Variants in DYNC1I1 observed in about 807,000 individuals in gnomAD.
DYNC1I1 encodes cytoplasmic dynein 1 intermediate chain 1.
A neutral mutation model predicts 86.6 loss-of-function variants in DYNC1I1; 43 were observed. That is an observed-to-expected ratio of 0.50 (90% CI 0.39 to 0.64). DYNC1I1 has a LOEUF of 0.64. Ranked by LOEUF, DYNC1I1 falls within the 30% of genes least tolerant of loss-of-function variation. The pLI, the probability that DYNC1I1 is intolerant of heterozygous loss-of-function variation, is 0.00. For synonymous variants in DYNC1I1, 262 were observed against 283.7 expected, an observed-to-expected ratio of 0.92 and a Z score of 0.77; for missense variants, 604 against 788.8, an observed-to-expected ratio of 0.77 and a Z score of 2.81.
intron 3 of DYNC1I1, among the ~76,000 whole-genome samples, chr7:95,811,566 A>G (rs1794830249): frequency 6.6e-6 from 1 of 152,148 alleles, no homozygotes; most frequent in South Asian, 2.1e-4. Flanking sequence ...GTATTGCTGG[A>G]TGTAATTTAA....
chr7:95,823,552 T>G (rs1795129061), intron 4 of DYNC1I1, among the ~76,000 whole-genome samples: 1 of 152,172 alleles, frequency 6.6e-6, no homozygotes, highest in African/African-American at 2.4e-5. Context: ...TCATTTCTTT[T>G]ACCAAAATGG....
At position 95,850,921 on chromosome 7, in the gene DYNC1I1, T is replaced by C. The variant is rs144161471; in HGVS notation, c.375-18962T>C. Among the ~76,000 whole-genome samples, 971 of 152,282 alleles carry C rather than the reference T, an allele frequency of 6.4e-3. 21 individuals carry two copies. Among genetic ancestry groups the C allele is most frequent in the East Asian group, 0.029 (151 of 5,178 alleles). Reference sequence around the variant, plus strand: ...ATTATTAAGTAAAATAAGGGTTACTTGAACAGAAGCACTGTAATACCACAA... The same window carrying C: ...ATTATTAAGTAAAATAAGGGTTACTCGAACAGAAGCACTGTAATACCACAA... On this transcript the variant is annotated intron_variant, in intron 5 of 16. Transcript: ENST00000447467.
intron 4 of DYNC1I1, among the ~76,000 whole-genome samples, chr7:95,826,430 A>G (rs1460782492): frequency 6.6e-6 from 1 of 152,204 alleles, no homozygotes; most frequent in Non-Finnish European, 1.5e-5. Context: ...TGCTTATCAT[A>G]TGGTTGCCAT....
chr7:96,096,727 A>T (rs1791018356), intron 16 of DYNC1I1, among the ~76,000 whole-genome samples: 1 of 152,218 alleles, frequency 6.6e-6, no homozygotes, highest in East Asian at 1.9e-4. Context: ...TTTTTGATGA[A>T]TCAGTATAGC....
chr7:96,085,450 C>T (rs1390107915), intron 16 of DYNC1I1, among the ~76,000 whole-genome samples: 2 of 151,644 alleles, frequency 1.3e-5, no homozygotes, highest in Non-Finnish European at 2.9e-5. Context: ...AAATATAAAA[C>T]AGCAATGTTT....
intron 1 of DYNC1I1, among the ~76,000 whole-genome samples, chr7:95,784,583 T>C (rs1794080007): frequency 6.6e-6 from 1 of 152,220 alleles, no homozygotes; most frequent in East Asian, 1.9e-4. Flanking sequence ...GGGGTGGGCA[T>C]GAAGACTCTG....
chr7:96,072,693 A>G (rs1321387059), intron 14 of DYNC1I1, among the ~76,000 whole-genome samples: 1 of 152,338 alleles, frequency 6.6e-6, no homozygotes, highest in East Asian at 1.9e-4. Flanking sequence ...AAGCTATAAC[A>G]TGTTTGTGGA....
At chr7:96,109,974 C>A in intron 16 of DYNC1I1, 1 of 330,238 alleles carries the variant, frequency 3.0e-6, no homozygotes, top group Non-Finnish European at 6.0e-6. Context: ...TTTTTGTGGA[C>A]ACAGGGTCTT....
chr7:96,023,004 A>G (rs1434850209), intron 10 of DYNC1I1, among the ~76,000 whole-genome samples: 1 of 152,104 alleles, frequency 6.6e-6, no homozygotes. Flanking sequence ...GCCTGGTGCT[A>G]CATGATTGCC....
intron 5 of DYNC1I1, among the ~76,000 whole-genome samples, chr7:95,863,354 T>C (rs538712522): frequency 1.3e-5 from 2 of 152,148 alleles, no homozygotes; most frequent in South Asian, 2.1e-4. Flanking sequence ...GAGGCGGGAA[T>C]GGGGAGTGAC....
At chr7:95,801,235 C>A (rs563688373) in intron 1 of DYNC1I1, among the ~76,000 whole-genome samples, 2 of 150,378 alleles carry the variant, frequency 1.3e-5, no homozygotes, top group East Asian at 3.9e-4. Flanking sequence ...CTAATATAAT[C>A]TTTTTTTAAG....
chr7:96,035,667 G>A lies in DYNC1I1; in HGVS notation c.1279G>A (p.Gly427Arg), dbSNP rs755406657. The change falls in exon 13 of 17, where the codon GGA becomes AGA. Residue 427 changes from glycine to arginine, a missense_variant. Coordinates refer to ENST00000447467, the MANE Select transcript of DYNC1I1 (RefSeq NM_001135556.2). ...YNKSKPVAVT[G>R]MAFPTGDVNN... ...TAAGTCCAAGCCTGTCGCTGTTACC[G>A]GAATGGCTTTCCCAACGGGAGACGT... The A allele has an allele frequency of 2.1e-5, 34 of 1,611,468 alleles. No homozygotes were observed. Among genetic ancestry groups the A allele is most frequent in the Admixed American group, 5.0e-5 (3 of 59,612 alleles).
intron 14 of DYNC1I1, among the ~76,000 whole-genome samples, chr7:96,046,583 A>G (rs774896212): frequency 6.6e-6 from 1 of 152,192 alleles, no homozygotes; most frequent in Non-Finnish European, 1.5e-5. Context: ...GGTGACCCCA[A>G]AGACTGTGTT....
intron 9 of DYNC1I1, among the ~76,000 whole-genome samples, chr7:95,994,781 G>A (rs1328395874): frequency 1.3e-5 from 2 of 152,182 alleles, no homozygotes; most frequent in Non-Finnish European, 2.9e-5. Context: ...CCTGATAAAG[G>A]ATGGAGAATG....
intron 6 of DYNC1I1, among the ~76,000 whole-genome samples, chr7:95,970,920 T>C (rs1793151738): frequency 1.5e-5 from 1 of 67,792 alleles, no homozygotes; most frequent in Non-Finnish European, 2.7e-5. Flanking sequence ...AGTTGCATCA[T>C]AAAGGCTGTA....
At chr7:95,954,354 C>T (rs890684679) in intron 6 of DYNC1I1, among the ~76,000 whole-genome samples, 4 of 151,752 alleles carry the variant, frequency 2.6e-5, no homozygotes, top group Admixed American at 6.6e-5. Flanking sequence ...TCAGTTTACG[C>T]TAGCCTCACT....
chr7:96,093,090 AT>A (rs1790895182), intron 16 of DYNC1I1, among the ~76,000 whole-genome samples: 1 of 152,150 alleles, frequency 6.6e-6, no homozygotes, highest in Non-Finnish European at 1.5e-5. Flanking sequence ...TCCCAAGGAA[AT>A]TTTTTTAAAA....
chr7:95,872,888 G>A (rs1790210356), intron 6 of DYNC1I1, among the ~76,000 whole-genome samples: 1 of 152,184 alleles, frequency 6.6e-6, no homozygotes, highest in African/African-American at 2.4e-5. Context: ...CAACCATGAG[G>A]TCCTGGGCTT....
At chr7:95,810,167 C>A (rs1016808620) in intron 2 of DYNC1I1, among the ~76,000 whole-genome samples, 2 of 152,062 alleles carry the variant, frequency 1.3e-5, no homozygotes, top group African/African-American at 2.4e-5. Flanking sequence ...TTTCATCCCA[C>A]GTGATAGAAG....
Sources: allele counts gnomAD v4.1 joint callset (sites outside exome capture counted in the v4.1 genomes callset), GRCh38; gene constraint gnomAD v4.1.1; transcripts MANE v1.5; gene names NCBI Gene and HGNC (gene_info 2026-07-23, HGNC 2026-07-21).